C16orf46: variants seen among roughly 807,000 people sequenced by gnomAD.
C16orf46 encodes the protein chromosome 16 open reading frame 46, also known as uncharacterized protein C16orf46.
A neutral mutation model predicts 5.5 loss-of-function variants in C16orf46; 7 were observed. The ratio of observed to expected loss-of-function variants is 1.28; its 90% CI spans 0.73 to 2.40. The LOEUF (loss-of-function observed/expected upper bound fraction) is 2.40. Ranked by LOEUF, C16orf46 falls within the 30% of genes most tolerant of loss-of-function variation. C16orf46 has a pLI of 0.00. For synonymous variants in C16orf46, 200 were observed against 184.1 expected (o/e 1.09, Z -0.70); for missense variants, 614 against 476.0 (o/e 1.29, Z -2.70).
At chr16:81,070,421 A>G (rs1971809912) in intron 1 of C16orf46, among the ~76,000 whole-genome samples, 1 of 152,222 alleles carries the variant, frequency 6.6e-6, no homozygotes, top group South Asian at 2.1e-4. Flanking sequence ...TAATCAAAGC[A>G]GTATGGTATT....
rs1422546322 is a variant in C16orf46, at chr16:81,061,691, T to G, written c.658A>C (p.Asn220His). ...VLPPLKASLS[N>H]ALDVLGKKSK... is the part of the protein sequence containing the mutation. The stretch of plus-strand genomic sequence containing the variant: ...TTCTTACCCAGAACATCCAAAGCAT[T>G]TGAAAGTGAAGCCTTCAGGGGAGGC... The change falls in exon 4 of 4, where the codon AAT (asparagine) becomes CAT (histidine). Residue 220 changes from asparagine (N) to histidine (H), a missense_variant. Physicochemically the swap from Asn to His is moderately conservative, Grantham distance 68. Transcript: ENST00000299578. The G allele has an allele frequency of 1.2e-6, 2 of 1,614,038 alleles. No individual in the cohort carries two copies. The highest frequency in any genetic ancestry group is 2.7e-5 in the African/African-American group (2 of 74,934).
chr16:81,074,218 T>C (rs976837291), intron 1 of C16orf46, among the ~76,000 whole-genome samples: 5 of 152,182 alleles, frequency 3.3e-5, no homozygotes, highest in Non-Finnish European at 1.5e-5. Flanking sequence ...ATCTTAAGAA[T>C]GCAAAATTAC....
At chr16:81,062,879 C>CTTTTTTTTTTTTTTTTTTTTTT (rs35694573) in intron 3 of C16orf46, among the ~76,000 whole-genome samples, 1 of 138,368 alleles carries the variant, frequency 7.2e-6, no homozygotes, top group African/African-American at 2.7e-5. Context: ...TAGTTTTATG[C>CTTTTTTTTTTTTTTTTTTTTTT]TTTTTTTTTT....
chr16:81,060,219 A>G (rs1971423134), downstream of C16orf46, among the ~76,000 whole-genome samples: 1 of 152,178 alleles, frequency 6.6e-6, no homozygotes, highest in Non-Finnish European at 1.5e-5. Flanking sequence ...AGGAGACGAT[A>G]GTGTATATAC....
chr16:81,073,178 A>C (rs1971913135), intron 1 of C16orf46, among the ~76,000 whole-genome samples: 1 of 152,214 alleles, frequency 6.6e-6, no homozygotes, highest in African/African-American at 2.4e-5. Flanking sequence ...CCACTATAGA[A>C]GGGAACAGAT....
Position 81,061,771 on chromosome 16 carries a change from G to T in C16orf46, c.578C>A (p.Ala193Asp). The change falls in exon 4 of 4, where the codon GCC (alanine) becomes GAC (aspartate). Residue 193 changes from alanine to aspartate, a missense_variant. Coordinates refer to ENST00000299578, the MANE Select transcript of C16orf46 (RefSeq NM_152337.3). ...GKASGNPSGG[A>D]HRGLSIPGPL... ...GCCTGGGATGGACAGCCCTCTGTGG[G>T]CCCCTCCACTGGGATTCCCAGAGGC... is the stretch of plus-strand genomic sequence containing the variant. 6.2e-7 allele frequency: 1 copy of T among 1,613,816 alleles called. No homozygotes were observed. Among genetic ancestry groups the T allele is most frequent in the Non-Finnish European group, 8.5e-7 (1 of 1,179,900 alleles).
intron 1 of C16orf46, 66 bp from the exon 2 acceptor site, chr16:81,066,347 T>C (rs1302403872): frequency 2.0e-5 from 3 of 152,104 alleles, no homozygotes; most frequent in Admixed American, 6.5e-5. Context: ...TCTCTAAACA[T>C]ACTATCAAGT....
At chr16:81,058,280 T>C (rs1262841758), downstream of C16orf46, among the ~76,000 whole-genome samples, 1 of 152,214 alleles carries the variant, frequency 6.6e-6, no homozygotes, top group Non-Finnish European at 1.5e-5. Flanking sequence ...ATGGTTCTTA[T>C]TTTTACTTAT....
At chr16:81,073,908 C>T (rs144419264) in intron 1 of C16orf46, among the ~76,000 whole-genome samples, 1 of 152,292 alleles carries the variant, frequency 6.6e-6, no homozygotes, top group East Asian at 1.9e-4. Context: ...CAATAAGAGT[C>T]TAGACTGGAT....
intron 1 of C16orf46, among the ~76,000 whole-genome samples, chr16:81,072,530 A>G (rs1971892159): frequency 6.6e-6 from 1 of 151,530 alleles, no homozygotes; most frequent in East Asian, 2.0e-4. Context: ...GATTATAGGC[A>G]TGCGCCATCA....
At chr16:81,075,932 C>T (rs1972025042) in intron 1 of C16orf46, among the ~76,000 whole-genome samples, 1 of 152,176 alleles carries the variant, frequency 6.6e-6, no homozygotes, top group Non-Finnish European at 1.5e-5. Context: ...AACTCCTTAT[C>T]ACCTTGCCTC....
intron 2 of C16orf46, among the ~76,000 whole-genome samples, chr16:81,064,866 C>T (rs559387239): frequency 7.4e-4 from 113 of 152,286 alleles, no homozygotes; most frequent in African/African-American, 2.6e-3. Context: ...ACAAACCCTG[C>T]CAAAACTTTG....
intron 1 of C16orf46, among the ~76,000 whole-genome samples, chr16:81,075,915 C>G (rs1390072535): frequency 6.6e-6 from 1 of 152,154 alleles, no homozygotes; most frequent in African/African-American, 2.4e-5. Context: ...AGATGGTAAT[C>G]TCTCAAAACT....
chr16:81,061,388 G>A lies in C16orf46; in HGVS notation c.961C>T (p.Leu321Phe). The A allele has an allele frequency of 6.2e-7, 1 of 1,614,180 alleles. No homozygotes were observed. The highest frequency in any genetic ancestry group is 8.5e-7 in the Non-Finnish European group (1 of 1,180,038). The stretch of plus-strand genomic sequence containing the variant: ...TTCTGCAGAAGCTGCAAGGCAGCAA[G>A]GTAGCGAACGTTGCTGGGGTCTGGA... ...CPPDPSNVRY[L>F]AALQLLQKRG... is the part of the protein sequence containing the mutation. The change falls in exon 4 of 4, where the codon CTT becomes TTT. Residue 321 changes from leucine to phenylalanine, a missense_variant. Physicochemically the swap from Leu to Phe is conservative, Grantham distance 22. Transcript: ENST00000299578.
intron 1 of C16orf46, among the ~76,000 whole-genome samples, chr16:81,073,396 G>A (rs947515093): frequency 1.3e-5 from 2 of 152,146 alleles, no homozygotes; most frequent in African/African-American, 2.4e-5. Flanking sequence ...AGAAAAATGG[G>A]TAAAAATACC....
Position 81,055,756 on chromosome 16 carries a change from G to A in C16orf46, c.1144-1662C>T, listed in dbSNP as rs1971276428. On this transcript the variant is annotated intron_variant, in intron 3 of 3. Coordinates refer to the C16orf46 transcript ENST00000378611. ...TTGTTTTGAGACGGACTGTCGCTCTGTCACCCAAGCTGGAGTGCAGTGTTG... is the reference window on the plus strand; with the variant it reads ...TTGTTTTGAGACGGACTGTCGCTCTATCACCCAAGCTGGAGTGCAGTGTTG... 2.0e-5 allele frequency among the ~76,000 whole-genome samples: 3 copies of A among 152,256 alleles called. No individual in the cohort carries two copies. The South Asian group carries it at 6.2e-4, about 32-fold the overall frequency.
At chr16:81,059,926 C>T (rs1337986895), downstream of C16orf46, among the ~76,000 whole-genome samples, 2 of 151,150 alleles carry the variant, frequency 1.3e-5, no homozygotes, top group African/African-American at 4.9e-5. Flanking sequence ...GTAGCTGGGA[C>T]TACAGAAGCC....
chr16:81,057,090 T>A (rs557636580), downstream of C16orf46, among the ~76,000 whole-genome samples: 1 of 152,172 alleles, frequency 6.6e-6, no homozygotes, highest in Admixed American at 6.5e-5. Flanking sequence ...CATCCCACAA[T>A]GCACATACAG....
intron 1 of C16orf46, among the ~76,000 whole-genome samples, chr16:81,067,486 AG>A (rs1971685851): frequency 6.6e-6 from 1 of 152,222 alleles, no homozygotes; most frequent in South Asian, 2.1e-4. Flanking sequence ...GAATAATGAT[AG>A]AAGCCAGGGT....
Sources: gnomAD v4.1 joint callset for allele counts (sites outside exome capture counted in the v4.1 genomes callset) on GRCh38, gnomAD v4.1.1 for gene constraint, MANE v1.5 for transcripts, NCBI Gene and HGNC (gene_info 2026-07-23, HGNC 2026-07-21) for gene names.